FAH: variants seen among roughly 807,000 people sequenced by gnomAD.
FAH encodes the protein fumarylacetoacetate hydrolase, also known as fumarylacetoacetase.
In FAH, 47 loss-of-function variants were observed where a neutral mutation model predicts 55.8. That is an observed-to-expected ratio of 0.84 (90% CI 0.67 to 1.07). FAH has a LOEUF of 1.07. Among genes scored for constraint, FAH ranks in the 50% least tolerant of loss-of-function variants. The pLI, the probability that FAH is intolerant of heterozygous loss-of-function variation, is 0.00. For missense variants in FAH, 495 were observed against 545.9 expected, an observed-to-expected ratio of 0.91 and a Z score of 0.93; for synonymous variants, 199 against 207.7, an observed-to-expected ratio of 0.96 and a Z score of 0.36.
At chr15:80,186,601 T>C (rs2041373689), downstream of FAH, 1 of 280,554 alleles carries the variant, frequency 3.6e-6, no homozygotes, top group Non-Finnish European at 6.9e-6. Context: ...TATTGATTGA[T>C]TGATTGATTT....
chr15:80,181,274 T>C, intron 13 of FAH, 115 bp downstream of exon 13: 1 of 728,712 alleles, frequency 1.4e-6, no homozygotes, highest in Non-Finnish European at 2.5e-6. Context: ...ATCCTGACTC[T>C]GCCTCCCAGA....
intron 1 of FAH, chr15:80,157,143 T>C (rs2041106378): frequency 6.6e-6 from 1 of 152,288 alleles, no homozygotes; most frequent in African/African-American, 2.4e-5. Flanking sequence ...CAGCCTCTTC[T>C]AGGGTAGGCT....
At chr15:80,177,281 C>T (rs1041589851) in intron 10 of FAH, 1 of 522,318 alleles carries the variant, frequency 1.9e-6, no homozygotes, top group Admixed American at 3.2e-5. Context: ...TACATATGGA[C>T]TCAGAGCAAA....
chr15:80,164,078 C>G (rs2041171653), intron 5 of FAH, among the ~76,000 whole-genome samples: 1 of 152,196 alleles, frequency 6.6e-6, no homozygotes, highest in African/African-American at 2.4e-5. Context: ...TTTTCTGTTG[C>G]TGCTGTAACA....
chr15:80,157,896 G>A, intron 1 of FAH, 164 bp from the exon 2 acceptor site: 1 of 666,702 alleles, frequency 1.5e-6, no homozygotes, highest in Non-Finnish European at 2.7e-6. Flanking sequence ...ATGGCACAAG[G>A]GAGCTGGGGC....
chr15:80,170,274 C>T (rs2041229058), intron 7 of FAH, among the ~76,000 whole-genome samples: 1 of 152,212 alleles, frequency 6.6e-6, no homozygotes, highest in Non-Finnish European at 1.5e-5. Context: ...TAGGCGTTGC[C>T]TCAGGAAGCT....
At chr15:80,173,648 C>T in intron 9 of FAH, 4 of 262,824 alleles carry the variant, frequency 1.5e-5, no homozygotes, top group East Asian at 9.7e-5. Flanking sequence ...CAGCCTGTTG[C>T]AATCTGCCCC....
At chr15:80,158,025 T>C in intron 1 of FAH, 35 bp from the exon 2 acceptor site, 1 of 1,535,320 alleles carries the variant, frequency 6.5e-7, no homozygotes, top group Non-Finnish European at 9.0e-7. Flanking sequence ...AGCCAGGGGC[T>C]TTTTCTGGTG....
At chr15:80,184,022 G>C (rs2041350837) in intron 13 of FAH, among the ~76,000 whole-genome samples, 1 of 152,202 alleles carries the variant, frequency 6.6e-6, no homozygotes, top group South Asian at 2.1e-4. Flanking sequence ...AAGAGAACAG[G>C]TGAAGTAAAC....
intron 11 of FAH, among the ~76,000 whole-genome samples, chr15:80,178,454 ATTC>A (rs2041301987): frequency 1.3e-5 from 2 of 152,124 alleles, no homozygotes; most frequent in Non-Finnish European, 2.9e-5. Flanking sequence ...AGTAGCATGT[ATTC>A]TTTTGTAGCT....
chr15:80,161,463 T>G (rs558577655), intron 4 of FAH, among the ~76,000 whole-genome samples: 34 of 152,296 alleles, frequency 2.2e-4, no homozygotes, highest in African/African-American at 7.7e-4. Flanking sequence ...CCAGCATTTT[T>G]TTTTTTTGAG....
In FAH at chr15:80,158,090, G is replaced by C; in HGVS notation, c.112G>C (p.Asp38His). The C allele has an allele frequency of 1.9e-6, 3 of 1,614,062 alleles. No homozygotes were observed. In the South Asian group the frequency reaches 3.3e-5, roughly 18 times the overall value. Residue 38 changes from aspartate (D) to histidine (H), a missense_variant, in exon 2 of 14, where the codon GAC becomes CAC. Transcript: ENST00000561421. ...PRPRIGVAIGDQILDLSIIKH... is the reference protein window; with the variant it reads ...PRPRIGVAIGHQILDLSIIKH... ...ACCGAGGATAGGTGTGGCCATTGGCGACCAGATCCTGGACCTCAGCATCAT... is the reference window on the plus strand; with the variant it reads ...ACCGAGGATAGGTGTGGCCATTGGCCACCAGATCCTGGACCTCAGCATCAT...
chr15:80,186,077 G>A (rs2041368097), intron 13 of FAH, 53 bp from the exon 14 acceptor site: 6 of 1,505,570 alleles, frequency 4.0e-6, no homozygotes, highest in Non-Finnish European at 5.6e-6. Context: ...CTAGGTGTTG[G>A]TTCCGGTGAG....
At chr15:80,170,660 A>G (rs750948123) in intron 7 of FAH, among the ~76,000 whole-genome samples, 1 of 152,228 alleles carries the variant, frequency 6.6e-6, no homozygotes, top group Non-Finnish European at 1.5e-5. Flanking sequence ...CTGCAGGCAG[A>G]CACTTCACCT....
Position 80,180,476 on chromosome 15 carries a change from C to T in FAH, c.1062+251C>T, listed in dbSNP as rs149930345. On this transcript the variant is annotated intron_variant, in intron 12 of 13. Coordinates refer to ENST00000561421, the MANE Select transcript of FAH (RefSeq NM_000137.4). ...TCTGTAGGGGAGCAGCGCAGTGACA[C>T]GTGGGGAGGAGTCAGGAGACAGTGA... 1.9e-3 allele frequency: 1,010 copies of T among 533,120 alleles called. 13 individuals carry two copies. Among genetic ancestry groups the T allele is most frequent in the African/African-American group, 0.017 (884 of 52,386 alleles). 33.0% of individuals were successfully genotyped at this position (533,120 alleles called of 1,614,324 possible).
In FAH at chr15:80,168,064, A is replaced by C; in HGVS notation, c.468A>C (p.Pro156=). 3 of 1,614,000 alleles carry C rather than the reference A, an allele frequency of 1.9e-6. No homozygotes were observed. Among genetic ancestry groups the C allele is most frequent in the Middle Eastern group, 1.7e-4 (1 of 6,060 alleles). Residue 156 remains proline (P), a synonymous_variant, in exon 6 of 14, where the codon CCA becomes CCC. Transcript: ENST00000561421. ...NALMPNWLHL[P]VGYHGRASSV... is the part of the protein sequence containing the mutation. ...CTTCCTTTCTCAGGCTGCACTTACC[A>C]GTGGGCTACCATGGCCGTGCCTCCT...
Position 80,172,241 on chromosome 15 carries a change from C to T in FAH, c.699C>T (p.Asp233=), listed in dbSNP as rs1358109972. Residue 233 remains aspartate (D), a synonymous_variant, in exon 8 of 14, where the codon GAC becomes GAT. Transcript: ENST00000561421. ...EHIFGMVLMN[D]WSARDIQKWE... ...TTTTTGGAATGGTCCTTATGAACGA[C>T]TGGAGTGGTAATTACTGGAGCTCTG... 3.1e-6 allele frequency: 5 copies of T among 1,609,582 alleles called. No individual in the cohort carries two copies. The highest frequency in any genetic ancestry group is 4.3e-6 in the Non-Finnish European group (5 of 1,175,980).
At chr15:80,174,949 TG>T in intron 9 of FAH, 66 bp from the exon 10 acceptor site, 1 of 1,383,796 alleles carries the variant, frequency 7.2e-7, no homozygotes. Context: ...CTGGCTGGTA[TG>T]GGGGCCCAGC....
chr15:80,155,274 AATGCTGGTACTGAGAAG>A (rs1247174544), intron 1 of FAH, among the ~76,000 whole-genome samples: 1 of 152,214 alleles, frequency 6.6e-6, no homozygotes, highest in African/African-American at 2.4e-5. Flanking sequence ...GCCTTTGTGT[AATGCTGGTACTGAGAAG>A]ATGCTCTCTA....
Sources: allele counts gnomAD v4.1 joint callset (sites outside exome capture counted in the v4.1 genomes callset), GRCh38; gene constraint gnomAD v4.1.1; transcripts MANE v1.5; gene names NCBI Gene and HGNC (gene_info 2026-07-23, HGNC 2026-07-21).